VCPKMT: variants seen among roughly 807,000 people sequenced by gnomAD.
VCPKMT encodes the protein protein N-lysine methyltransferase METTL21D.
A neutral mutation model predicts 28.6 loss-of-function variants in VCPKMT; 32 were observed. That is an observed-to-expected ratio of 1.12 (90% CI 0.84 to 1.50). The LOEUF (loss-of-function observed/expected upper bound fraction) is 1.50. VCPKMT is among the 40% of genes most tolerant of loss of function. The probability of loss-of-function intolerance (pLI) is 0.00; values close to 1 mark genes in which losing one functional copy is unlikely to be tolerated. For missense variants in VCPKMT, 366 were observed against 285.0 expected, an observed-to-expected ratio of 1.28 and a Z score of -2.05; for synonymous variants, 138 against 111.4, an observed-to-expected ratio of 1.24 and a Z score of -1.50.
intron 4 of VCPKMT, among the ~76,000 whole-genome samples, chr14:50,113,915 C>CAAAACAAAAACA (rs60601871): frequency 0.6 from 90,543 of 150,768 alleles, 28,188 homozygotes; most frequent in African/African-American, 0.75. Flanking sequence ...AACCCTGTCT[C>CAAAACAAAAACA]AAAACAAAAA....
At chr14:50,112,068 CTTG>C (rs1594937574) in intron 5 of VCPKMT, 2 of 984,798 alleles carry the variant, frequency 2.0e-6, no homozygotes, top group South Asian at 4.7e-5. Context: ...ACTCATCTGC[CTTG>C]TTGTATTTCA....
At chr14:50,105,401 A>T (rs1409050227), downstream of VCPKMT, among the ~76,000 whole-genome samples, 1 of 152,262 alleles carries the variant, frequency 6.6e-6, no homozygotes, top group East Asian at 1.9e-4. Context: ...GAGGCTGAGG[A>T]GGGTGGATTG....
At chr14:50,103,939 T>C (rs1042415821), downstream of VCPKMT, among the ~76,000 whole-genome samples, 4 of 152,210 alleles carry the variant, frequency 2.6e-5, no homozygotes, top group Non-Finnish European at 2.9e-5. Context: ...ACACTTACTA[T>C]GTGCCTAGTA....
At chr14:50,106,849 G>C (rs1882339274), downstream of VCPKMT, among the ~76,000 whole-genome samples, 1 of 152,120 alleles carries the variant, frequency 6.6e-6, no homozygotes, top group South Asian at 2.1e-4. Flanking sequence ...CCCTAGTATG[G>C]ATGGGACTAC....
At position 50,116,409 on chromosome 14, in the gene VCPKMT, G is replaced by C; in HGVS notation, c.144C>G (p.Val48=). The change falls in exon 1 of 6, where the codon GTC becomes GTG. Residue 48 remains valine (V), a synonymous_variant. Coordinates refer to ENST00000395860, the MANE Select transcript of VCPKMT (RefSeq NM_024558.3). ...CGGGCGTTTCCAGGTATTTAGAAAGGACAATGGCAGCGTCCCACACAACGC... is the reference window on the plus strand; with the variant it reads ...CGGGCGTTTCCAGGTATTTAGAAAGCACAATGGCAGCGTCCCACACAACGC... The part of the protein sequence containing the change: ...VGCVVWDAAI[V]LSKYLETPEF... 6.2e-7 allele frequency: 1 copy of C among 1,613,980 alleles called. No homozygotes were observed. The highest frequency in any genetic ancestry group is 1.3e-5 in the African/African-American group (1 of 75,030).
chr14:50,115,893 G>A lies in VCPKMT; in HGVS notation c.396C>T (p.Gly132=), dbSNP rs760999919. ...KVLKWGEEIE[G]FPSPPDFILM... ...GTATGAAGTCGGGTGGAGAAGGAAA[G>A]CCTTCTATTTCTTCCCCCCTTAAAA... Residue 132 remains glycine, a synonymous_variant, in exon 3 of 6, where the codon GGC becomes GGT. Coordinates refer to ENST00000395860, the MANE Select transcript of VCPKMT (RefSeq NM_024558.3). 6.2e-7 allele frequency: 1 copy of A among 1,613,306 alleles called. No individual in the cohort carries two copies. The highest frequency in any genetic ancestry group is 8.5e-7 in the Non-Finnish European group (1 of 1,179,458).
At chr14:50,111,875 T>A (rs1182963664) in intron 5 of VCPKMT, 5 of 970,620 alleles carry the variant, frequency 5.2e-6, no homozygotes, top group Non-Finnish European at 6.1e-6. Flanking sequence ...GATGACAGAG[T>A]GAGACCCTAT....
At chr14:50,112,228 T>C (rs1882715070) in intron 5 of VCPKMT, 2 of 271,512 alleles carry the variant, frequency 7.4e-6, no homozygotes, top group South Asian at 1.4e-4. Context: ...TTTACGCCTA[T>C]GGAGAAGCTG....
rs143370574 is a variant in VCPKMT at position 50,109,593 on chromosome 14, A to G, written c.*106T>C. 1,467 of 1,435,540 alleles carry G rather than the reference A, an allele frequency of 1.0e-3. 20 individuals are homozygous for G. The East Asian group carries it at 0.025, about 24-fold the overall frequency. The allele number at this position is 1,435,540 out of a possible 1,614,324, so 88.9% of individuals were successfully genotyped here. On this transcript the variant is annotated 3_prime_UTR_variant, in exon 6 of 6. Coordinates refer to ENST00000395860, the MANE Select transcript of VCPKMT (RefSeq NM_024558.3). ...CATCGGATCTCTAAGGACGTGCCGGAAAAAAAAATCTGTGAACACAATCTT... is the reference window on the plus strand; with the variant it reads ...CATCGGATCTCTAAGGACGTGCCGGGAAAAAAAATCTGTGAACACAATCTT...
At chr14:50,115,943 T>C (rs537068711) in intron 2 of VCPKMT, 32 bp from the exon 3 acceptor site, 1 of 1,608,944 alleles carries the variant, frequency 6.2e-7, no homozygotes, top group South Asian at 1.1e-5. Context: ...TTTCAATTGT[T>C]TTAATAATTC....
At chr14:50,110,992 G>A (rs994932356) in intron 5 of VCPKMT, 7 of 210,112 alleles carry the variant, frequency 3.3e-5, no homozygotes, top group Non-Finnish European at 5.8e-5. Flanking sequence ...AGCTGGGGAC[G>A]GGGGTAACAG....
chr14:50,112,971 A>G (rs555880191), intron 4 of VCPKMT, among the ~76,000 whole-genome samples: 92 of 152,262 alleles, frequency 6.0e-4, no homozygotes, highest in African/African-American at 1.8e-3. Context: ...TATTTTTAGT[A>G]AAGAAAGGGT....
chr14:50,111,323 A>G, intron 5 of VCPKMT: 1 of 985,410 alleles, frequency 1.0e-6, no homozygotes, highest in Non-Finnish European at 1.2e-6. Flanking sequence ...TATCTGTGGC[A>G]CCATGCCACA....
At chr14:50,115,996 T>A (rs1348502212) in intron 2 of VCPKMT, 73 bp downstream of exon 2, 2 of 1,594,952 alleles carry the variant, frequency 1.3e-6, no homozygotes, top group Admixed American at 1.7e-5. Flanking sequence ...TCCCCTTCCA[T>A]CCTTTTAATG....
chr14:50,114,499 T>C (rs1451940069), intron 3 of VCPKMT, 95 bp from the exon 4 acceptor site: 1 of 823,258 alleles, frequency 1.2e-6, no homozygotes, highest in Non-Finnish European at 1.7e-6. Flanking sequence ...ATAGCTCCCC[T>C]ACAATTTATC....
At chr14:50,103,955 GTACAT>G (rs138348142), downstream of VCPKMT, among the ~76,000 whole-genome samples, 1,385 of 152,204 alleles carry the variant, frequency 9.1e-3, 18 homozygotes, top group African/African-American at 0.032. Flanking sequence ...TAGTACCTAA[GTACAT>G]TACATGTATT....
intron 5 of VCPKMT, chr14:50,112,011 G>A: frequency 1.1e-5 from 11 of 985,062 alleles, no homozygotes; most frequent in Non-Finnish European, 1.3e-5. Context: ...CCAAGAAGCG[G>A]GAAAATACAT....
rs148473841 is a variant in VCPKMT, at chr14:50,116,537, C to G, written c.16G>C (p.Glu6Gln). 5 of 1,610,462 alleles carry G rather than the reference C, an allele frequency of 3.1e-6. No homozygotes were observed. In the East Asian group the frequency reaches 8.9e-5, roughly 29 times the overall value. Residue 6 changes from glutamate to glutamine, a missense_variant, in exon 1 of 6, where the codon GAG becomes CAG. Transcript: ENST00000395860. MADTL[E>Q]SSLEDPLRSF... ...CGCAGTGGGTCCTCCAGCGAGGACT[C>G]CAGCGTATCCGCCATTGCGCCCGGC...
chr14:50,115,510 G>C (rs559570668), intron 3 of VCPKMT, among the ~76,000 whole-genome samples: 1 of 152,252 alleles, frequency 6.6e-6, no homozygotes, highest in East Asian at 1.9e-4. Context: ...TCAATGTCAT[G>C]GTTAACATGT....
Sources: allele counts gnomAD v4.1 joint callset (sites outside exome capture counted in the v4.1 genomes callset), GRCh38; gene constraint gnomAD v4.1.1; transcripts MANE v1.5; gene names NCBI Gene and HGNC (gene_info 2026-07-23, HGNC 2026-07-21).